PCSK5: variants seen among roughly 807,000 people sequenced by gnomAD.
The protein encoded by PCSK5 is proprotein convertase subtilisin/kexin type 5.
A neutral mutation model predicts 233.2 loss-of-function variants in PCSK5; 129 were observed. That is an observed-to-expected ratio of 0.55 (90% CI 0.48 to 0.64). The LOEUF (loss-of-function observed/expected upper bound fraction) is 0.64. Among genes scored for constraint, PCSK5 ranks in the 30% least tolerant of loss-of-function variants. The pLI, the probability that PCSK5 is intolerant of heterozygous loss-of-function variation, is 0.00. For missense variants in PCSK5, 2,076 were observed against 2,430.1 expected, an observed-to-expected ratio of 0.85 and a Z score of 3.06; for synonymous variants, 825 against 879.2, an observed-to-expected ratio of 0.94 and a Z score of 1.09.
chr9:75,949,975 A>G (rs1402617849), intron 2 of PCSK5, among the ~76,000 whole-genome samples: 1 of 152,182 alleles, frequency 6.6e-6, no homozygotes, highest in East Asian at 1.9e-4. Context: ...CCCGTTTATA[A>G]CAGTATCTGT....
chr9:76,181,372 T>G (rs1270332225), intron 15 of PCSK5, 26 bp from the exon 16 acceptor site: 2 of 1,597,890 alleles, frequency 1.3e-6, no homozygotes, highest in Non-Finnish European at 1.7e-6. Context: ...TGACGCTGCC[T>G]TCTTTCTTAT....
intron 2 of PCSK5, among the ~76,000 whole-genome samples, chr9:75,949,766 C>T (rs557694450): frequency 7.2e-5 from 11 of 152,138 alleles, no homozygotes; most frequent in African/African-American, 2.7e-4. Context: ...GACTGTGATC[C>T]GCCCACCTCA....
intron 34 of PCSK5, among the ~76,000 whole-genome samples, chr9:76,333,941 C>T (rs1043461632): frequency 2.0e-5 from 3 of 152,104 alleles, no homozygotes; most frequent in Admixed American, 6.6e-5. Context: ...TTTGTTTTCA[C>T]GCGGCTGATA....
intron 20 of PCSK5, among the ~76,000 whole-genome samples, chr9:76,199,183 C>A (rs1266445744): frequency 6.6e-6 from 1 of 152,154 alleles, no homozygotes; most frequent in Non-Finnish European, 1.5e-5. Context: ...CTTACACAAA[C>A]CTAGATGGCA....
chr9:76,189,768 G>A (rs765953306), intron 20 of PCSK5, 22 bp downstream of exon 20: 8 of 1,228,838 alleles, frequency 6.5e-6, no homozygotes, highest in Middle Eastern at 1.9e-4. Flanking sequence ...TGCCCATATC[G>A]ATCTTATGAA....
chr9:76,280,224 G>A (rs573625702), intron 24 of PCSK5, among the ~76,000 whole-genome samples: 78 of 152,246 alleles, frequency 5.1e-4, no homozygotes, highest in African/African-American at 1.9e-3. Context: ...ATGTGAGATG[G>A]AACTTAGTTG....
intron 12 of PCSK5, among the ~76,000 whole-genome samples, chr9:76,159,846 C>G (rs1379644750): frequency 1.7e-5 from 2 of 116,464 alleles, no homozygotes; most frequent in Non-Finnish European, 3.3e-5. Flanking sequence ...TTTTGAGAGA[C>G]GGAGTCTCAC....
intron 21 of PCSK5, among the ~76,000 whole-genome samples, chr9:76,228,010 C>T (rs1825953238): frequency 6.6e-6 from 1 of 151,106 alleles, no homozygotes; most frequent in Non-Finnish European, 1.5e-5. Context: ...TGCTCTGTCA[C>T]CCAAGTTGGA....
chr9:76,156,520 A>G (rs1184517841), intron 10 of PCSK5, among the ~76,000 whole-genome samples: 1 of 152,270 alleles, frequency 6.6e-6, no homozygotes, highest in East Asian at 1.9e-4. Flanking sequence ...TTCTTCTTGC[A>G]CTATGAGAAG....
intron 5 of PCSK5, among the ~76,000 whole-genome samples, chr9:76,058,978 C>T (rs558644863): frequency 6.6e-6 from 1 of 152,152 alleles, no homozygotes; most frequent in Admixed American, 6.5e-5. Context: ...GACCCACACC[C>T]ACTTCCCCAC....
intron 1 of PCSK5, among the ~76,000 whole-genome samples, chr9:75,908,933 CTCTCTCTG>C (rs1474500184): frequency 2.6e-3 from 247 of 94,650 alleles, no homozygotes; most frequent in Non-Finnish European, 3.9e-3. Flanking sequence ...CTCTCTATCT[CTCTCTCTG>C]TCTATCTATC....
At chr9:76,130,938 G>A (rs922491090) in intron 9 of PCSK5, among the ~76,000 whole-genome samples, 1 of 152,066 alleles carries the variant, frequency 6.6e-6, no homozygotes, top group African/African-American at 2.4e-5. Context: ...ATAGTTGCTT[G>A]CTTCAAAGCT....
chr9:75,972,277 T>C (rs1415515067), intron 2 of PCSK5, among the ~76,000 whole-genome samples: 6 of 152,348 alleles, frequency 3.9e-5, no homozygotes, highest in Non-Finnish European at 8.8e-5. Flanking sequence ...TTTTGGTTAC[T>C]GTAGCCTTGT....
In PCSK5 at chr9:75,891,531, GCACACACACA is replaced by G. The variant is rs34768107; in HGVS notation, c.192+182_192+191del. ...CTGTCTCCTGCGCGCGCGCGCGTAC[GCACACACACA>G]CACACACACACACACACACACACCC... On this transcript the variant is annotated intron_variant, in intron 1 of 37. Transcript: ENST00000674117. Among the ~76,000 whole-genome samples the G allele has an allele frequency of 1.7e-3, 259 of 148,782 alleles. 3 individuals are homozygous for G. Among genetic ancestry groups the G allele is most frequent in the East Asian group, 0.01 (48 of 4,734 alleles).
chr9:76,208,953 A>G (rs571211268), intron 20 of PCSK5, among the ~76,000 whole-genome samples: 5 of 152,354 alleles, frequency 3.3e-5, no homozygotes, highest in African/African-American at 1.2e-4. Context: ...GTCAACTGAT[A>G]TCATTCTCTC....
At chr9:76,243,864 T>C (rs1826502170) in intron 24 of PCSK5, among the ~76,000 whole-genome samples, 1 of 152,244 alleles carries the variant, frequency 6.6e-6, no homozygotes, top group African/African-American at 2.4e-5. Flanking sequence ...TTAGATTTGC[T>C]GTTTTCTCTA....
At chr9:75,935,319 G>T (rs190108737) in intron 2 of PCSK5, among the ~76,000 whole-genome samples, 1 of 151,752 alleles carries the variant, frequency 6.6e-6, no homozygotes, top group African/African-American at 2.4e-5. Context: ...CACCCTCCTC[G>T]GCCTCCCAGA....
At position 76,351,488 on chromosome 9, in the gene PCSK5, GA is replaced by G. The variant is rs1287853897; in HGVS notation, c.5067+563del. Among the ~76,000 whole-genome samples the G allele has an allele frequency of 1.0e-4, 9 of 87,716 alleles. 1 individual carries two copies. The highest frequency in any genetic ancestry group is 4.0e-4 in the Admixed American group (3 of 7,456). 57.5% of individuals were successfully genotyped at this position (87,716 alleles called of 152,430 possible). A position where few individuals can be genotyped will look rare whatever the true frequency, so the allele number is the denominator to read the frequency against. ...AGAAAGAAAGAAAGAAAGAAAGAAA[GA>G]AAGAAAGAAAGAAAGAAAGAAAGAA... On this transcript the variant is annotated intron_variant, in intron 36 of 37. Coordinates refer to ENST00000674117, the MANE Select transcript of PCSK5 (RefSeq NM_001372043.1).
At chr9:75,969,866 G>C (rs1039157581) in intron 2 of PCSK5, among the ~76,000 whole-genome samples, 2 of 149,832 alleles carry the variant, frequency 1.3e-5, no homozygotes, top group Non-Finnish European at 3.0e-5. Flanking sequence ...TTGGACTCCA[G>C]AAATCCTTTT....
Sources: allele counts gnomAD v4.1 joint callset (sites outside exome capture counted in the v4.1 genomes callset), GRCh38; gene constraint gnomAD v4.1.1; transcripts MANE v1.5; gene names NCBI Gene and HGNC (gene_info 2026-07-23, HGNC 2026-07-21).